The following SFXN1 variants were observed in gnomAD, a reference collection of about 807,000 sequenced individuals.
SFXN1 encodes the protein sideroflexin-1.
SFXN1 carries 32 observed loss-of-function variants against 39.5 expected under a neutral mutation model. The observed-to-expected ratio is 0.81, with a 90% CI of 0.61 to 1.09. The LOEUF is 1.09. SFXN1 is among the 50% of genes least tolerant of loss of function. The pLI is 0.00. For synonymous variants in SFXN1, 136 were observed against 146.5 expected (o/e 0.93, Z 0.52); for missense variants, 402 against 407.1 (o/e 0.99, Z 0.11).
At chr5:175,525,431 A>G (rs273081) in intron 10 of SFXN1, among the ~76,000 whole-genome samples, 8,597 of 152,264 alleles carry the variant, frequency 0.056, 532 homozygotes, top group South Asian at 0.32. Context: ...CAGTGTCGTC[A>G]TCATCATTTA....
chr5:175,505,124 A>G (rs1476030443), intron 2 of SFXN1, among the ~76,000 whole-genome samples: 2 of 152,220 alleles, frequency 1.3e-5, no homozygotes, highest in Non-Finnish European at 2.9e-5. Flanking sequence ...AAGTTTGAGT[A>G]AATGGAGAAA....
rs1321926577 is a variant in SFXN1 at position 175,527,999 on chromosome 5, A to C, written c.*1265A>C. On this transcript the variant is annotated 3_prime_UTR_variant, in exon 11 of 11. Transcript: ENST00000321442. ...CAGTGGCGTAGTCTCGGCTCACTGC[A>C]AGCTCCGCCTCCCGGGTTCACGCCG... 1 of 146,076 alleles carries C rather than the reference A, an allele frequency of 6.8e-6. No homozygotes were observed. The highest frequency in any genetic ancestry group is 2.0e-4 in the East Asian group (1 of 4,894). The allele number at this position is 146,076 out of a possible 1,614,324, so 9.0% of individuals were successfully genotyped here.
intron 2 of SFXN1, among the ~76,000 whole-genome samples, chr5:175,495,540 C>A (rs1261743041): frequency 1.3e-5 from 2 of 152,028 alleles, no homozygotes; most frequent in Non-Finnish European, 2.9e-5. Context: ...ACCAGCCTGA[C>A]CAACATGGTG....
intron 2 of SFXN1, among the ~76,000 whole-genome samples, chr5:175,495,903 CTTT>C (rs374528443): frequency 2.8e-4 from 40 of 141,110 alleles, no homozygotes; most frequent in African/African-American, 7.2e-4. Context: ...TTAAAAGTGG[CTTT>C]TTTTTTTTTT....
intron 1 of SFXN1, among the ~76,000 whole-genome samples, chr5:175,487,745 C>T (rs1362593860): frequency 6.6e-6 from 1 of 152,178 alleles, no homozygotes; most frequent in Non-Finnish European, 1.5e-5. Flanking sequence ...CTCTGCTGCC[C>T]GCTGGACATC....
rs148992299 is a variant in SFXN1, at chr5:175,493,035, C to T, written c.164+768C>T. The stretch of plus-strand genomic sequence containing the variant: ...TTGGGAGGCTGAGGTGGGTAGATCA[C>T]GAGGTCAGGAGATCGAGACCATCCT... On this transcript the variant is annotated intron_variant, in intron 2 of 10. Transcript: ENST00000321442. Among the ~76,000 whole-genome samples the T allele has an allele frequency of 5.9e-3, 895 of 152,250 alleles. 8 individuals carry two copies. Among genetic ancestry groups the T allele is most frequent in the African/African-American group, 0.02 (826 of 41,532 alleles).
intron 2 of SFXN1, among the ~76,000 whole-genome samples, chr5:175,495,486 T>C (rs1759824658): frequency 6.6e-6 from 1 of 152,176 alleles, no homozygotes; most frequent in Non-Finnish European, 1.5e-5. Context: ...CCCAGCACTT[T>C]GGGAGGCCAA....
At chr5:175,517,753 A>G (rs1302193678) in intron 8 of SFXN1, among the ~76,000 whole-genome samples, 2 of 152,092 alleles carry the variant, frequency 1.3e-5, no homozygotes, top group African/African-American at 4.8e-5. Context: ...ACACTTTCAC[A>G]TTCTATTGTG....
chr5:175,524,181 G>T (rs984285556), intron 10 of SFXN1: 20 of 123,734 alleles, frequency 1.6e-4, no homozygotes, highest in African/African-American at 5.6e-4. Context: ...TCTCCAATAA[G>T]TTACATCTTA....
chr5:175,499,269 A>G (rs560080625), intron 2 of SFXN1, among the ~76,000 whole-genome samples: 75 of 148,414 alleles, frequency 5.1e-4, no homozygotes, highest in East Asian at 4.9e-3. Flanking sequence ...AAAAAAAAAA[A>G]GGGATATCAA....
intron 4 of SFXN1, 29 bp from the exon 5 acceptor site, chr5:175,511,422 G>A (rs756839394): frequency 2.4e-5 from 38 of 1,589,136 alleles, no homozygotes; most frequent in African/African-American, 2.0e-4. Flanking sequence ...TGCCCTCGTC[G>A]TCCACACGAT....
Position 175,529,387 on chromosome 5 carries a change from A to G in SFXN1, c.*2653A>G, listed in dbSNP as rs555625381. On this transcript the variant is annotated 3_prime_UTR_variant, in exon 11 of 11. Coordinates refer to ENST00000321442, the MANE Select transcript of SFXN1 (RefSeq NM_022754.7). ...AAAGGGATGATGAACATGGAGCTGCATCTTTTTAAACGTTGTTTTTTGATG... is the reference window on the plus strand; with the variant it reads ...AAAGGGATGATGAACATGGAGCTGCGTCTTTTTAAACGTTGTTTTTTGATG... 2 of 152,296 alleles carry G rather than the reference A, an allele frequency of 1.3e-5. No homozygotes were observed. The highest frequency in any genetic ancestry group is 6.5e-5 in the Admixed American group (1 of 15,282). 9.4% of individuals were successfully genotyped at this position (152,296 alleles called of 1,614,324 possible).
chr5:175,486,390 C>T (rs535718267), intron 1 of SFXN1, among the ~76,000 whole-genome samples: 23 of 152,314 alleles, frequency 1.5e-4, no homozygotes, highest in Non-Finnish European at 2.9e-5. Context: ...CCTCAGCTTC[C>T]GCATAATAAG....
intron 7 of SFXN1, among the ~76,000 whole-genome samples, chr5:175,513,998 TG>T (rs766190654): frequency 6.6e-6 from 1 of 151,904 alleles, no homozygotes; most frequent in Non-Finnish European, 1.5e-5. Context: ...CGGCAGAGCG[TG>T]GATGGCAGCC....
chr5:175,510,164 G>A lies in SFXN1; in HGVS notation c.391G>A (p.Val131Ile), dbSNP rs770094148. The A allele has an allele frequency of 1.1e-5, 17 of 1,613,132 alleles. No individual in the cohort carries two copies. Among genetic ancestry groups the A allele is most frequent in the East Asian group, 8.9e-5 (4 of 44,876 alleles). ...GATTAACCAGTCCTTCAATGCCGTC[G>A]TCAATTACACCAACAGAAGTGGAGA... ...QWINQSFNAV[V>I]NYTNRSGDAP... is the part of the protein sequence containing the mutation. The change falls in exon 4 of 11, where the codon GTC becomes ATC. Residue 131 changes from valine to isoleucine, a missense_variant. Transcript: ENST00000321442.
At chr5:175,481,237 T>G (rs1252523789) in intron 1 of SFXN1, among the ~76,000 whole-genome samples, 4 of 152,208 alleles carry the variant, frequency 2.6e-5, no homozygotes, top group Non-Finnish European at 5.9e-5. Context: ...AGATACTGCT[T>G]AAGAAATCCA....
chr5:175,500,403 A>AACACAC (rs4008099), intron 2 of SFXN1, among the ~76,000 whole-genome samples: 2,408 of 127,206 alleles, frequency 0.019, 34 homozygotes, highest in Admixed American at 0.025. Context: ...CCTGTACACC[A>AACACAC]ACACACACAC....
rs147084508 is a variant in SFXN1, at chr5:175,513,509, T to C, written c.643T>C (p.Leu215=). The change falls in exon 7 of 11, where the codon TTG becomes CTG. Residue 215 remains leucine (L), a synonymous_variant. Transcript: ENST00000321442. The stretch of plus-strand genomic sequence containing the variant: ...CGTCACGGATGAGAATGGGAACCGC[T>C]TGGGGGAGTCGGCGAACGCTGCGAA... The part of the protein sequence containing the change: ...IPVTDENGNR[L]GESANAAKQA... The C allele has an allele frequency of 6.4e-5, 104 of 1,613,746 alleles. No homozygotes were observed. The highest frequency in any genetic ancestry group is 6.7e-5 in the Non-Finnish European group (79 of 1,179,946).
chr5:175,509,382 A>G (rs1375309183), intron 3 of SFXN1, 180 bp downstream of exon 3: 1 of 513,562 alleles, frequency 1.9e-6, no homozygotes, highest in Non-Finnish European at 3.2e-6. Flanking sequence ...CATCATGTTG[A>G]ACTCCTTTAG....
Sources: allele counts gnomAD v4.1 joint callset (sites outside exome capture counted in the v4.1 genomes callset), GRCh38; gene constraint gnomAD v4.1.1; transcripts MANE v1.5; gene names NCBI Gene and HGNC (gene_info 2026-07-23, HGNC 2026-07-21).